The following MYO3A variants were observed in gnomAD, a reference collection of about 807,000 sequenced individuals.
MYO3A encodes the protein myosin-IIIa.
In MYO3A, 180 loss-of-function variants were observed where a neutral mutation model predicts 192.7. The ratio of observed to expected loss-of-function variants is 0.93; its 90% confidence interval spans 0.83 to 1.06. MYO3A has a LOEUF of 1.06. Among genes scored for constraint, MYO3A ranks in the 50% least tolerant of loss-of-function variants. The pLI, the probability that MYO3A is intolerant of heterozygous loss-of-function variation, is 0.00. For synonymous variants in MYO3A, 628 were observed against 645.3 expected, an observed-to-expected ratio of 0.97 and a Z score of 0.41; for missense variants, 1,896 against 1,905.0, an observed-to-expected ratio of 1.00 and a Z score of 0.09.
chr10:26,160,050 T>G (rs931566655), intron 26 of MYO3A, among the ~76,000 whole-genome samples: 8 of 152,258 alleles, frequency 5.3e-5, no homozygotes, highest in African/African-American at 1.9e-4. Flanking sequence ...AAATTTGACC[T>G]TATTATCATG....
In MYO3A at chr10:26,092,522, C is replaced by G. The variant is rs142675527; in HGVS notation, c.1563-3859C>G. ...GCTTTCTAAGTCTGATTGTTGGCCA[C>G]TTCGTTGAAGATTCAAAGGTTTCAC... On this transcript the variant is annotated intron_variant, in intron 15 of 34. Transcript: ENST00000642920. 2.5e-3 allele frequency among the ~76,000 whole-genome samples: 375 copies of G among 152,280 alleles called. 2 individuals are homozygous for G. The highest frequency in any genetic ancestry group is 8.5e-3 in the African/African-American group (354 of 41,558).
At chr10:26,114,265 C>G (rs969677358) in intron 17 of MYO3A, among the ~76,000 whole-genome samples, 5 of 152,144 alleles carry the variant, frequency 3.3e-5, no homozygotes, top group African/African-American at 4.8e-5. Context: ...GTTCTCTCTC[C>G]CAGTCCTCTC....
intron 17 of MYO3A, among the ~76,000 whole-genome samples, chr10:26,104,187 T>C (rs1837648150): frequency 6.6e-6 from 1 of 152,160 alleles, no homozygotes; most frequent in Non-Finnish European, 1.5e-5. Flanking sequence ...ACAGAAGTTT[T>C]TAAATTGTAT....
At chr10:25,998,206 A>T (rs1263388353) in intron 6 of MYO3A, among the ~76,000 whole-genome samples, 1 of 152,222 alleles carries the variant, frequency 6.6e-6, no homozygotes, top group Non-Finnish European at 1.5e-5. Context: ...TGAGTATAGA[A>T]GTCCACTGAG....
chr10:26,019,238 TA>T (rs1268003152), intron 7 of MYO3A, among the ~76,000 whole-genome samples: 135 of 122,758 alleles, frequency 1.1e-3, no homozygotes, highest in African/African-American at 4.4e-3. Context: ...TTTATTTATT[TA>T]TTTATTTATT....
At chr10:26,181,678 T>C (rs1284048351) in intron 31 of MYO3A, among the ~76,000 whole-genome samples, 1 of 151,994 alleles carries the variant, frequency 6.6e-6, no homozygotes, top group Non-Finnish European at 1.5e-5. Context: ...GAAAAAATAT[T>C]TTAACAGTAA....
At chr10:26,009,800 A>C (rs912470031) in intron 6 of MYO3A, among the ~76,000 whole-genome samples, 1 of 152,248 alleles carries the variant, frequency 6.6e-6, no homozygotes, top group African/African-American at 2.4e-5. Context: ...TTGGACTAGA[A>C]CTAAAATATC....
intron 19 of MYO3A, among the ~76,000 whole-genome samples, chr10:26,127,842 C>G (rs188732823): frequency 8.7e-4 from 132 of 151,344 alleles, no homozygotes; most frequent in African/African-American, 3.1e-3. Context: ...AAATAAATCC[C>G]TATGTATTTG....
chr10:26,050,688 T>C (rs1238814611), intron 10 of MYO3A, among the ~76,000 whole-genome samples: 1 of 152,184 alleles, frequency 6.6e-6, no homozygotes, highest in Non-Finnish European at 1.5e-5. Context: ...CTATCTAAAA[T>C]AATACAGAGC....
At chr10:26,050,172 T>A (rs1843906207) in intron 10 of MYO3A, among the ~76,000 whole-genome samples, 1 of 152,060 alleles carries the variant, frequency 6.6e-6, no homozygotes, top group African/African-American at 2.4e-5. Flanking sequence ...CAGATTTTGT[T>A]CTTTTGCCAA....
chr10:25,945,247 C>T (rs76951627), intron 2 of MYO3A, among the ~76,000 whole-genome samples: 2,320 of 152,110 alleles, frequency 0.015, 40 homozygotes, highest in Middle Eastern at 0.038. Context: ...AGCATGTTTT[C>T]AGTCCCTTTA....
At chr10:26,057,154 G>A (rs1834161769) in intron 10 of MYO3A, among the ~76,000 whole-genome samples, 1 of 152,196 alleles carries the variant, frequency 6.6e-6, no homozygotes, top group Non-Finnish European at 1.5e-5. Flanking sequence ...GTTGAGGAGT[G>A]AATGTAAATA....
intron 10 of MYO3A, among the ~76,000 whole-genome samples, chr10:26,060,303 T>TA (rs1564506964): frequency 4.6e-5 from 2 of 43,136 alleles, no homozygotes; most frequent in Non-Finnish European, 7.4e-5. Flanking sequence ...ATAAATAAAT[T>TA]TAAAAAATAC....
At chr10:26,143,312 C>A in intron 20 of MYO3A, 136 bp from the exon 21 acceptor site, 1 of 859,032 alleles carries the variant, frequency 1.2e-6, no homozygotes, top group Non-Finnish European at 1.8e-6. Context: ...GCCTGGACGA[C>A]AGAGCGAGTC....
intron 14 of MYO3A, among the ~76,000 whole-genome samples, chr10:26,080,353 T>A (rs914135567): frequency 1.3e-5 from 2 of 152,124 alleles, no homozygotes; most frequent in African/African-American, 2.4e-5. Flanking sequence ...TCTCTAAAAG[T>A]GTATCCAAAG....
intron 3 of MYO3A, 70 bp from the exon 4 acceptor site, chr10:25,954,804 C>A: frequency 6.8e-7 from 1 of 1,481,182 alleles, no homozygotes; most frequent in Non-Finnish European, 9.4e-7. Context: ...ATTTGGTATT[C>A]TATAATCTGT....
At chr10:26,034,672 T>C (rs1012082564) in intron 10 of MYO3A, among the ~76,000 whole-genome samples, 2 of 151,762 alleles carry the variant, frequency 1.3e-5, no homozygotes, top group African/African-American at 4.8e-5. Context: ...TAGAAAAAAA[T>C]AGAAAAGGAG....
intron 34 of MYO3A, among the ~76,000 whole-genome samples, chr10:26,206,372 T>G (rs1843947152): frequency 6.6e-6 from 1 of 151,580 alleles, no homozygotes; most frequent in South Asian, 2.1e-4. Flanking sequence ...AGGTATCTTT[T>G]TTACATACTG....
At chr10:25,935,163 G>A (rs935702499) in intron 1 of MYO3A, among the ~76,000 whole-genome samples, 2 of 152,166 alleles carry the variant, frequency 1.3e-5, no homozygotes, top group African/African-American at 4.8e-5. Flanking sequence ...CCGTAAAGGA[G>A]TTTTAATTTT....
Sources: gnomAD v4.1 joint callset for allele counts (sites outside exome capture counted in the v4.1 genomes callset) on GRCh38, gnomAD v4.1.1 for gene constraint, MANE v1.5 for transcripts, NCBI Gene and HGNC (gene_info 2026-07-23, HGNC 2026-07-21) for gene names.